Variants in JAK2 observed in about 807,000 individuals in gnomAD.
The protein encoded by JAK2 is tyrosine-protein kinase JAK2.
Under a neutral mutation model 139.3 loss-of-function variants are expected in JAK2, and 86 were observed. The observed-to-expected ratio is 0.62, with a 90% CI of 0.52 to 0.74. The LOEUF (loss-of-function observed/expected upper bound fraction) is 0.74. Among genes scored for constraint, JAK2 ranks in the 30% least tolerant of loss-of-function variants. The pLI, the probability that JAK2 is intolerant of heterozygous loss-of-function variation, is 0.00. For missense variants in JAK2, 1,421 were observed against 1,360.3 expected, an observed-to-expected ratio of 1.04 and a Z score of -0.70; for synonymous variants, 490 against 437.7, an observed-to-expected ratio of 1.12 and a Z score of -1.49.
chr9:5,103,266 C>T (rs1487152966), intron 22 of JAK2, among the ~76,000 whole-genome samples: 1 of 96,136 alleles, frequency 1.0e-5, no homozygotes, highest in Admixed American at 1.2e-4. Flanking sequence ...GCAGGAGTTG[C>T]AATCCCGGTC....
At position 5,008,075 on chromosome 9, in the gene JAK2, G is replaced by A. The variant is rs569915859; in HGVS notation, c.-25-13888G>A. On this transcript the variant is annotated intron_variant, in intron 2 of 24. Transcript: ENST00000381652. ...AAACTGTTTACACAGAATAACATGA[G>A]TGGGTAATGGTGAAGCTGAGTTTCA... Among the ~76,000 whole-genome samples the A allele has an allele frequency of 7.2e-5, 11 of 152,266 alleles. No individual in the cohort carries two copies. The South Asian group carries it at 1.5e-3, about 20-fold the overall frequency.
Position 5,129,237 on chromosome 9 carries a change from A to G in JAK2, c.*2446A>G, listed in dbSNP as rs1383344640. ...TGCTCACTTTATTGAGCCTATGTTA[A>G]TTTCTTTAGCATGCTCCCCCTAAAT... is the stretch of plus-strand genomic sequence containing the variant. On this transcript the variant is annotated 3_prime_UTR_variant, in exon 25 of 25. Coordinates refer to ENST00000381652, the MANE Select transcript of JAK2 (RefSeq NM_004972.4). Among the ~76,000 whole-genome samples the G allele has an allele frequency of 6.6e-6, 1 of 151,990 alleles. No individual in the cohort carries two copies. The highest frequency in any genetic ancestry group is 1.5e-5 in the Non-Finnish European group (1 of 67,922).
chr9:5,004,473 T>G (rs932554745), intron 2 of JAK2, among the ~76,000 whole-genome samples: 1 of 152,216 alleles, frequency 6.6e-6, no homozygotes, highest in African/African-American at 2.4e-5. Flanking sequence ...ATTTTCTTCT[T>G]TTTTTAAGGC....
At chr9:4,990,651 C>T (rs916121326) in intron 2 of JAK2, among the ~76,000 whole-genome samples, 5 of 151,502 alleles carry the variant, frequency 3.3e-5, no homozygotes, top group Non-Finnish European at 7.4e-5. Flanking sequence ...GGTTAGGAGG[C>T]GGAATGATCA....
intron 6 of JAK2, 71 bp downstream of exon 6, chr9:5,050,902 G>T: frequency 3.0e-6 from 4 of 1,339,494 alleles, no homozygotes; most frequent in Non-Finnish European, 4.2e-6. Flanking sequence ...TATATTTTCT[G>T]TGTTTACCCA....
intron 22 of JAK2, chr9:5,111,022 G>A (rs1210975003): frequency 1.2e-5 from 10 of 806,154 alleles, no homozygotes; most frequent in Admixed American, 4.2e-5. Flanking sequence ...GGGCCGGCCC[G>A]CCTCCCTGGC....
chr9:5,089,747 A>G lies in JAK2; in HGVS notation c.2645A>G (p.Lys882Arg). Residue 882 changes from lysine (K) to arginine (R), a missense_variant, in exon 20 of 25, where the codon AAA (lysine) becomes AGA (arginine). Physicochemically the swap from Lys to Arg is conservative, Grantham distance 26. Coordinates refer to ENST00000381652, the MANE Select transcript of JAK2 (RefSeq NM_004972.4). Reference sequence around the variant, plus strand: ...AACACTGGGGAGGTGGTCGCTGTAAAAAAGCTTCAGCATAGTACTGAAGAG... The same window carrying G: ...AACACTGGGGAGGTGGTCGCTGTAAGAAAGCTTCAGCATAGTACTGAAGAG... ...QDNTGEVVAVKKLQHSTEEHL... is the reference protein window; with the variant it reads ...QDNTGEVVAVRKLQHSTEEHL... The G allele has an allele frequency of 6.3e-7, 1 of 1,584,760 alleles. No homozygotes were observed. The highest frequency in any genetic ancestry group is 8.6e-7 in the Non-Finnish European group (1 of 1,165,912).
Position 5,089,876 on chromosome 9 carries a change from T to C in JAK2, c.2761+13T>C, listed in dbSNP as rs753033664. On this transcript the variant is annotated intron_variant, in intron 20 of 24. Coordinates refer to ENST00000381652, the MANE Select transcript of JAK2 (RefSeq NM_004972.4). ...TGCTACAGTGCTGGTAAGCTGCCCA[T>C]TGAAACCTATTTTAAATTCAAGGTA... 16 of 1,438,136 alleles carry C rather than the reference T, an allele frequency of 1.1e-5. No homozygotes were observed. Among genetic ancestry groups the C allele is most frequent in the Admixed American group, 2.6e-5 (1 of 38,108 alleles). The allele number at this position is 1,438,136 out of a possible 1,614,324, so 89.1% of individuals were successfully genotyped here. A position where few individuals can be genotyped will look rare whatever the true frequency, so the allele number is the denominator to read the frequency against.
chr9:4,996,721 A>G (rs1240005722), intron 2 of JAK2, among the ~76,000 whole-genome samples: 1 of 151,924 alleles, frequency 6.6e-6, no homozygotes, highest in Non-Finnish European at 1.5e-5. Context: ...CCTGCCACAG[A>G]CTTTTAAAGG....
At chr9:5,070,803 T>G (rs1023883246) in intron 12 of JAK2, among the ~76,000 whole-genome samples, 1 of 152,000 alleles carries the variant, frequency 6.6e-6, no homozygotes, top group African/African-American at 2.4e-5. Flanking sequence ...TCTGATAATC[T>G]GGCAGTCAGG....
intron 5 of JAK2, among the ~76,000 whole-genome samples, chr9:5,048,999 C>G (rs1478637032): frequency 1.3e-5 from 2 of 152,088 alleles, no homozygotes; most frequent in African/African-American, 4.8e-5. Flanking sequence ...TCAGATTTAT[C>G]TGTATTCCTA....
intron 14 of JAK2, among the ~76,000 whole-genome samples, chr9:5,075,203 G>A (rs1819230431): frequency 6.6e-6 from 1 of 152,170 alleles, no homozygotes; most frequent in Non-Finnish European, 1.5e-5. Context: ...AGTGCAAGGT[G>A]AAGCAGCAAA....
chr9:5,002,400 A>G (rs892913305), intron 2 of JAK2, among the ~76,000 whole-genome samples: 17 of 151,950 alleles, frequency 1.1e-4, no homozygotes, highest in African/African-American at 4.1e-4. Flanking sequence ...ACCTGGGATT[A>G]TTTAGAACTA....
In JAK2 at chr9:5,127,631, A is replaced by T. The variant is rs1824082504; in HGVS notation, c.*840A>T. 4.3e-6 allele frequency: 1 copy of T among 231,970 alleles called. No individual in the cohort carries two copies. The highest frequency in any genetic ancestry group is 5.6e-5 in the Admixed American group (1 of 17,700). The allele number at this position is 231,970 out of a possible 1,614,324, so 14.4% of individuals were successfully genotyped here. A position where few individuals can be genotyped will look rare whatever the true frequency, so the allele number is the denominator to read the frequency against. Reference sequence around the variant, plus strand: ...AGTTTTCTTTTAAAATTTTGAGATTAAGAATGCCAGGAATATTGTCATCCT... The same window carrying T: ...AGTTTTCTTTTAAAATTTTGAGATTTAGAATGCCAGGAATATTGTCATCCT... On this transcript the variant is annotated 3_prime_UTR_variant, in exon 25 of 25. Coordinates refer to ENST00000381652, the MANE Select transcript of JAK2 (RefSeq NM_004972.4).
At chr9:5,008,727 A>G (rs565477167) in intron 2 of JAK2, among the ~76,000 whole-genome samples, 2 of 152,308 alleles carry the variant, frequency 1.3e-5, no homozygotes, top group South Asian at 2.1e-4. Flanking sequence ...AAAAAATTAA[A>G]TGTTATCTCC....
chr9:5,114,251 C>A, intron 22 of JAK2: 1 of 537,834 alleles, frequency 1.9e-6, no homozygotes. Context: ...CCACAATCAC[C>A]TGTCTGGTGG....
intron 4 of JAK2, among the ~76,000 whole-genome samples, chr9:5,037,610 A>T (rs1246564619): frequency 6.6e-6 from 1 of 152,192 alleles, no homozygotes; most frequent in Non-Finnish European, 1.5e-5. Flanking sequence ...CGCAAGGACA[A>T]AAAACCAAAC....
chr9:5,076,009 G>T (rs1158303389), intron 14 of JAK2, among the ~76,000 whole-genome samples: 6 of 152,150 alleles, frequency 3.9e-5, no homozygotes, highest in Non-Finnish European at 8.8e-5. Flanking sequence ...TTTAATGAAG[G>T]AAGTCACTGC....
intron 8 of JAK2, among the ~76,000 whole-genome samples, chr9:5,058,209 A>AT (rs1055337951): frequency 1.3e-5 from 2 of 152,146 alleles, no homozygotes; most frequent in Non-Finnish European, 2.9e-5. Flanking sequence ...TATACCTTCT[A>AT]TTAGTCCGTT....
Sources: gnomAD v4.1 joint callset for allele counts (sites outside exome capture counted in the v4.1 genomes callset) on GRCh38, gnomAD v4.1.1 for gene constraint, MANE v1.5 for transcripts, NCBI Gene and HGNC (gene_info 2026-07-23, HGNC 2026-07-21) for gene names.